PLPP3: variants seen among roughly 807,000 people sequenced by gnomAD.
The protein encoded by PLPP3 is phospholipid phosphatase 3, also known as PAP2 beta.
Under a neutral mutation model 29.6 loss-of-function variants are expected in PLPP3, and 6 were observed. The observed-to-expected ratio is 0.20, with a 90% confidence interval of 0.11 to 0.40. The LOEUF is 0.40. Ranked by LOEUF, PLPP3 falls within the 10% of genes least tolerant of loss-of-function variation. The probability of loss-of-function intolerance (pLI) is 1.00; values close to 1 mark genes in which losing one functional copy is unlikely to be tolerated. For synonymous variants in PLPP3, 152 were observed against 159.7 expected (o/e 0.95, Z 0.36); for missense variants, 308 against 407.7 (o/e 0.76, Z 2.11).
intron 1 of PLPP3, among the ~76,000 whole-genome samples, chr1:56,565,256 T>G (rs1168807142): frequency 1.3e-5 from 2 of 152,090 alleles, no homozygotes; most frequent in Non-Finnish European, 2.9e-5. Context: ...ATGAAGGAGC[T>G]GCATCCGCAG....
chr1:56,556,846 A>C (rs978628685), intron 1 of PLPP3, among the ~76,000 whole-genome samples: 1 of 145,238 alleles, frequency 6.9e-6, no homozygotes, highest in Non-Finnish European at 1.5e-5. Flanking sequence ...AGATTGCTTG[A>C]GGTCAAGAGT....
At chr1:56,536,844 A>C in intron 2 of PLPP3, 111 bp downstream of exon 2, 1 of 1,386,188 alleles carries the variant, frequency 7.2e-7, no homozygotes, top group Non-Finnish European at 9.9e-7. Context: ...TATAGGCCAG[A>C]GAAAGTTGGC....
chr1:56,510,390 G>A (rs1229258570), intron 5 of PLPP3, among the ~76,000 whole-genome samples: 3 of 152,236 alleles, frequency 2.0e-5, no homozygotes, highest in African/African-American at 7.2e-5. Context: ...AAGAAAGCAA[G>A]GGAGAAAGCC....
chr1:56,538,710 C>A, intron 1 of PLPP3: 1 of 243,706 alleles, frequency 4.1e-6, no homozygotes, highest in East Asian at 1.0e-4. Flanking sequence ...AGATTCTTGC[C>A]AAGAGAATTA....
At chr1:56,558,731 G>C (rs1646100437) in intron 1 of PLPP3, among the ~76,000 whole-genome samples, 1 of 152,170 alleles carries the variant, frequency 6.6e-6, no homozygotes, top group Non-Finnish European at 1.5e-5. Context: ...CAAGTGATGG[G>C]GCCAGGATCG....
intron 4 of PLPP3, among the ~76,000 whole-genome samples, chr1:56,522,983 A>G (rs1645829521): frequency 6.6e-6 from 1 of 152,192 alleles, no homozygotes; most frequent in Non-Finnish European, 1.5e-5. Flanking sequence ...CTTCACCTGC[A>G]TTACCCAACC....
chr1:56,534,821 G>C (rs1426960530), intron 2 of PLPP3, among the ~76,000 whole-genome samples: 1 of 152,100 alleles, frequency 6.6e-6, no homozygotes, highest in Non-Finnish European at 1.5e-5. Flanking sequence ...TTCATTAGGA[G>C]CCCCCAATTC....
Position 56,578,938 on chromosome 1 carries a change from T to C in PLPP3, c.79A>G (p.Arg27Gly). 6.2e-7 allele frequency: 1 copy of C among 1,606,472 alleles called. No homozygotes were observed. The highest frequency in any genetic ancestry group is 8.5e-7 in the Non-Finnish European group (1 of 1,177,176). ...AGCACCCGCTTGCTGCCGCTCCTCC[T>C]CGGGTTGTTGTTGAGCGCCGGGCTG... ...GGSPALNNNP[R>G]RSGSKRVLLI... The change falls in exon 1 of 6, where the codon AGG becomes GGG. Residue 27 changes from arginine to glycine, a missense_variant. Around this residue, in one of 3 missense-constraint regions of PLPP3, gnomAD observed 67 missense variants for 61.3 expected, o/e 1.09. Transcript: ENST00000371250.
intron 2 of PLPP3, among the ~76,000 whole-genome samples, chr1:56,532,130 C>A (rs376630124): frequency 6.6e-6 from 1 of 152,262 alleles, no homozygotes; most frequent in East Asian, 1.9e-4. Flanking sequence ...AGAAAGGGAA[C>A]AGATGAAAAT....
intron 1 of PLPP3, among the ~76,000 whole-genome samples, chr1:56,571,181 T>C (rs1433410038): frequency 1.3e-5 from 2 of 152,224 alleles, no homozygotes; most frequent in East Asian, 1.9e-4. Flanking sequence ...ACTGGACAAT[T>C]ACTAACCAAC....
intron 1 of PLPP3, among the ~76,000 whole-genome samples, 170 bp from the exon 2 acceptor site, chr1:56,537,282 T>G (rs1645934489): frequency 6.6e-6 from 1 of 152,178 alleles, no homozygotes; most frequent in African/African-American, 2.4e-5. Flanking sequence ...GCTTTCGCTA[T>G]GCACAACCCC....
chr1:56,511,927 G>GC, intron 5 of PLPP3, 49 bp downstream of exon 5: 1 of 1,600,778 alleles, frequency 6.2e-7, no homozygotes, highest in Admixed American at 1.7e-5. Flanking sequence ...CATTTAACAA[G>GC]CAACAGTCCA....
At chr1:56,571,320 C>G (rs1464378800) in intron 1 of PLPP3, among the ~76,000 whole-genome samples, 1 of 152,192 alleles carries the variant, frequency 6.6e-6, no homozygotes, top group Non-Finnish European at 1.5e-5. Context: ...CCCACCACGT[C>G]ACAGTGCACA....
At position 56,502,743 on chromosome 1, in the gene PLPP3, C is replaced by T. The variant is rs188664038; in HGVS notation, c.811-6067G>A. 1.9e-3 allele frequency among the ~76,000 whole-genome samples: 282 copies of T among 152,294 alleles called. 1 individual carries two copies. Among genetic ancestry groups the T allele is most frequent in the Non-Finnish European group, 3.3e-3 (225 of 68,034 alleles). ...TTAGGCCGTAGGCTTTGATACGTGA[C>T]GCTTTAAATGCTGTGTCATATTTCC... On this transcript the variant is annotated intron_variant, in intron 5 of 5. Coordinates refer to ENST00000371250, the MANE Select transcript of PLPP3 (RefSeq NM_003713.5).
At chr1:56,560,229 T>G (rs1646112525) in intron 1 of PLPP3, among the ~76,000 whole-genome samples, 1 of 152,200 alleles carries the variant, frequency 6.6e-6, no homozygotes, top group Admixed American at 6.5e-5. Flanking sequence ...GCATTAAAGG[T>G]GCTCAATGCA....
chr1:56,523,597 T>C (rs1355728482), intron 4 of PLPP3, among the ~76,000 whole-genome samples: 1 of 152,202 alleles, frequency 6.6e-6, no homozygotes, highest in African/African-American at 2.4e-5. Flanking sequence ...CAAGCAGCTA[T>C]GGCAAATACT....
rs969047841 is a variant in PLPP3 at position 56,495,831 on chromosome 1, C to A, written c.*720G>T. 1 of 152,666 alleles carries A rather than the reference C, an allele frequency of 6.6e-6. No homozygotes were observed. Among genetic ancestry groups the A allele is most frequent in the African/African-American group, 2.4e-5 (1 of 41,458 alleles). The allele number at this position is 152,666 out of a possible 1,614,324, so 9.5% of individuals were successfully genotyped here. ...TCCTGCAATTGACATTTCAACATCA[C>A]AGGATGATGCGTCAAAAGAAGAAAA... On this transcript the variant is annotated 3_prime_UTR_variant, in exon 6 of 6. Transcript: ENST00000371250.
At chr1:56,535,183 C>T (rs769325732) in intron 2 of PLPP3, among the ~76,000 whole-genome samples, 4 of 152,082 alleles carry the variant, frequency 2.6e-5, no homozygotes, top group Admixed American at 1.3e-4. Flanking sequence ...GATGTATTTC[C>T]GGAGGCACCA....
chr1:56,498,657 G>A lies in PLPP3; in HGVS notation c.811-1981C>T, dbSNP rs531699239. On this transcript the variant is annotated intron_variant, in intron 5 of 5. Coordinates refer to ENST00000371250, the MANE Select transcript of PLPP3 (RefSeq NM_003713.5). ...TACTTTCTTTTTTTTTTTTTAAGACGGAGTCTCATTCTGTCACCCAGGCTG... is the reference window on the plus strand; with the variant it reads ...TACTTTCTTTTTTTTTTTTTAAGACAGAGTCTCATTCTGTCACCCAGGCTG... Among the ~76,000 whole-genome samples the A allele has an allele frequency of 2.1e-4, 32 of 149,450 alleles. 1 individual carries two copies. Among genetic ancestry groups the A allele is most frequent in the Admixed American group, 1.5e-3 (22 of 15,070 alleles).
Sources: gnomAD v4.1 joint callset for allele counts (sites outside exome capture counted in the v4.1 genomes callset) on GRCh38, gnomAD v4.1.1 for gene constraint, gnomAD v4.1.1 regional missense constraint, MANE v1.5 for transcripts, NCBI Gene and HGNC (gene_info 2026-07-23, HGNC 2026-07-21) for gene names.